Variants in ZNF730 observed in about 807,000 individuals in gnomAD.
ZNF730 encodes the protein zinc finger protein 730.
ZNF730 carries 12 observed loss-of-function variants against 12.6 expected under a neutral mutation model. The observed-to-expected ratio is 0.95, with a 90% CI of 0.61 to 1.54. The LOEUF is 1.54. Ranked by LOEUF, ZNF730 falls within the 40% of genes most tolerant of loss-of-function variation. The probability of loss-of-function intolerance (pLI) is 0.00; values close to 1 mark genes in which losing one functional copy is unlikely to be tolerated. For missense variants in ZNF730, 643 were observed against 583.5 expected (o/e 1.10, Z -1.05); for synonymous variants, 194 against 195.8 (o/e 0.99, Z 0.08).
rs1276718928 is a variant in ZNF730, at chr19:23,146,036, A to G, written c.992A>G (p.Lys331Arg). The G allele has an allele frequency of 1.9e-6, 3 of 1,610,718 alleles. No individual in the cohort carries two copies. The highest frequency in any genetic ancestry group is 1.3e-5 in the African/African-American group (1 of 74,780). ...TGGTCCTCAACCCTTACAAAACATA[A>G]AAGAATTCATAATGGAGAAAAACCC... ...FKWSSTLTKH[K>R]RIHNGEKPYK... The change falls in exon 4 of 4, where the codon AAA becomes AGA. Residue 331 changes from lysine to arginine, a missense_variant. Transcript: ENST00000597761.
intron 1 of ZNF730, among the ~76,000 whole-genome samples, chr19:23,106,872 A>C (rs1423660791): frequency 2.0e-5 from 3 of 152,012 alleles, no homozygotes; most frequent in Non-Finnish European, 4.4e-5. Flanking sequence ...TGAATACTGC[A>C]AGAGTCAAAA....
At position 23,146,289 on chromosome 19, in the gene ZNF730, G is replaced by A. The variant is rs1971009086; in HGVS notation, c.1245G>A (p.Lys415=). The change falls in exon 4 of 4, where the codon AAG becomes AAA. Residue 415 remains lysine, a synonymous_variant. Transcript: ENST00000597761. ...FSRISHLTTH[K]RIHTGEKPYK... is the part of the protein sequence containing the mutation. ...GTATCTCACACCTTACTACACATAAGAGAATTCATACTGGAGAGAAACCCT... is the reference window on the plus strand; with the variant it reads ...GTATCTCACACCTTACTACACATAAAAGAATTCATACTGGAGAGAAACCCT... The A allele has an allele frequency of 2.5e-6, 4 of 1,613,084 alleles. No individual in the cohort carries two copies. The highest frequency in any genetic ancestry group is 3.4e-6 in the Non-Finnish European group (4 of 1,179,670).
chr19:23,081,401 C>A (rs560050527), intron 1 of ZNF730, among the ~76,000 whole-genome samples: 28 of 151,534 alleles, frequency 1.8e-4, no homozygotes, highest in African/African-American at 6.5e-4. Flanking sequence ...CTTACTGCAA[C>A]CTCCGCCTCC....
At chr19:23,092,456 G>A (rs949365656) in intron 1 of ZNF730, among the ~76,000 whole-genome samples, 1 of 151,916 alleles carries the variant, frequency 6.6e-6, no homozygotes, top group Non-Finnish European at 1.5e-5. Context: ...GGGCATGGTG[G>A]TGCATGCCTA....
At chr19:23,094,729 C>T (rs1480010380) in intron 1 of ZNF730, among the ~76,000 whole-genome samples, 1 of 152,164 alleles carries the variant, frequency 6.6e-6, no homozygotes, top group African/African-American at 2.4e-5. Context: ...CCACCTCGGC[C>T]TCCCAGAGTG....
At chr19:23,083,351 G>A (rs1370176837) in intron 1 of ZNF730, among the ~76,000 whole-genome samples, 1 of 152,168 alleles carries the variant, frequency 6.6e-6, no homozygotes, top group South Asian at 2.1e-4. Context: ...TTGAACCGGG[G>A]AGGGGGAGGT....
At chr19:23,135,177 C>T (rs1262229901) in intron 2 of ZNF730, among the ~76,000 whole-genome samples, 1 of 113,884 alleles carries the variant, frequency 8.8e-6, no homozygotes, top group Non-Finnish European at 1.7e-5. Flanking sequence ...TGTCCTATGA[C>T]CCTGCCAAAT....
rs1484454636 is a variant in ZNF730, at chr19:23,138,154, G to A, written c.226+2111G>A. Among the ~76,000 whole-genome samples the A allele has an allele frequency of 6.5e-5, 4 of 61,738 alleles. 2 individuals carry two copies. Among genetic ancestry groups the A allele is most frequent in the Non-Finnish European group, 1.5e-4 (4 of 26,892 alleles). The allele number at this position is 61,738 out of a possible 152,430, so 40.5% of individuals were successfully genotyped here. ...AAAAATTAGCCGGGCGTGGTGGCGGGCGCCTGTAGTCCCAGCTACTTGGGA... is the reference window on the plus strand; with the variant it reads ...AAAAATTAGCCGGGCGTGGTGGCGGACGCCTGTAGTCCCAGCTACTTGGGA... On this transcript the variant is annotated intron_variant, in intron 3 of 3. Coordinates refer to ENST00000597761, the MANE Select transcript of ZNF730 (RefSeq NM_001277403.2).
chr19:23,145,527 C>T lies in ZNF730; in HGVS notation c.483C>T (p.Asn161=). ...VKVFHKFSNS[N]RHKIRHTSKK... ...TCTTTCATAAATTTTCAAATTCAAA[C>T]AGACATAAGATAAGACATACTTCGA... Residue 161 remains asparagine, a synonymous_variant, in exon 4 of 4, where the codon AAC becomes AAT. Coordinates refer to ENST00000597761, the MANE Select transcript of ZNF730 (RefSeq NM_001277403.2). 1 of 1,558,308 alleles carries T rather than the reference C, an allele frequency of 6.4e-7. No homozygotes were observed. Among genetic ancestry groups the T allele is most frequent in the Non-Finnish European group, 8.7e-7 (1 of 1,152,032 alleles).
intron 1 of ZNF730, among the ~76,000 whole-genome samples, chr19:23,080,755 C>T (rs1969948860): frequency 6.6e-6 from 1 of 151,976 alleles, no homozygotes; most frequent in Non-Finnish European, 1.5e-5. Flanking sequence ...AAGCTTCCCC[C>T]TTCTGTATTG....
At position 23,145,667 on chromosome 19, in the gene ZNF730, A is replaced by G. The variant is rs1970994279; in HGVS notation, c.623A>G (p.Lys208Arg). The change falls in exon 4 of 4, where the codon AAA becomes AGA. Residue 208 changes from lysine (K) to arginine (R), a missense_variant. Physicochemically the swap from Lys to Arg is conservative, Grantham distance 26. Coordinates refer to ENST00000597761, the MANE Select transcript of ZNF730 (RefSeq NM_001277403.2). ...EKSYKCEEYG[K>R]AFNESSNCTT... ...TCCTACAAATGTGAAGAATATGGCA[A>G]AGCCTTTAATGAGTCCTCAAACTGT... The G allele has an allele frequency of 6.4e-7, 1 of 1,556,562 alleles. No individual in the cohort carries two copies. The highest frequency in any genetic ancestry group is 8.7e-7 in the Non-Finnish European group (1 of 1,151,764).
chr19:23,143,827 A>C (rs1470708538), intron 3 of ZNF730: 1 of 152,180 alleles, frequency 6.6e-6, no homozygotes, highest in Non-Finnish European at 1.5e-5. Flanking sequence ...TTTGTATATG[A>C]CACATCACTT....
chr19:23,079,151 C>G (rs1224533039), intron 1 of ZNF730, among the ~76,000 whole-genome samples: 1 of 151,892 alleles, frequency 6.6e-6, no homozygotes, highest in Non-Finnish European at 1.5e-5. Context: ...TTGTTTATGA[C>G]ACAATTTTTT....
In ZNF730 at chr19:23,146,551, A is replaced by G; in HGVS notation, c.1507A>G (p.Thr503Ala). 1 of 1,582,308 alleles carries G rather than the reference A, an allele frequency of 6.3e-7. No homozygotes were observed. The highest frequency in any genetic ancestry group is 1.1e-5 in the South Asian group (1 of 87,406). The change falls in exon 4 of 4, where the codon ACA becomes GCA. Residue 503 changes from threonine to alanine, a missense_variant. By Grantham distance (58) the Thr-to-Ala change is moderately conservative. Transcript: ENST00000597761. ...CCTTACTAGGCATAAGACAATTCAT[A>G]CATAAAATTGTAAAGACTGTGGCAA... Reference protein sequence around the residue: ...SHLTRHKTIHT With the variant: ...SHLTRHKTIHA
chr19:23,105,167 G>C (rs987955829), intron 1 of ZNF730, among the ~76,000 whole-genome samples: 23 of 150,578 alleles, frequency 1.5e-4, no homozygotes, highest in Non-Finnish European at 4.4e-5. Flanking sequence ...ACCCAGGCTG[G>C]AGTGCAGTGG....
intron 2 of ZNF730, among the ~76,000 whole-genome samples, chr19:23,134,474 G>A (rs911278861): frequency 6.8e-6 from 1 of 146,066 alleles, no homozygotes; most frequent in Non-Finnish European, 1.5e-5. Flanking sequence ...GGAGGGAGGT[G>A]GGGGGGCCAG....
intron 1 of ZNF730, among the ~76,000 whole-genome samples, chr19:23,082,368 A>G (rs557781105): frequency 1.3e-5 from 2 of 148,812 alleles, no homozygotes; most frequent in South Asian, 4.2e-4. Context: ...TTTTTTTGAG[A>G]TGGAGTCTTG....
chr19:23,101,473 G>C (rs1012101943), intron 1 of ZNF730, among the ~76,000 whole-genome samples: 1 of 152,192 alleles, frequency 6.6e-6, no homozygotes, highest in African/African-American at 2.4e-5. Context: ...CTCATACCTA[G>C]CACCTGGACA....
At position 23,146,257 on chromosome 19, in the gene ZNF730, T is replaced by C. The variant is rs1301793231; in HGVS notation, c.1213T>C (p.Phe405Leu). ...FYKCEECGKA[F>L]SRISHLTTHK... The stretch of plus-strand genomic sequence containing the variant: ...CAAATGTGAAGAATGTGGCAAAGCC[T>C]TTAGCCGTATCTCACACCTTACTAC... The change falls in exon 4 of 4, where the codon TTT becomes CTT. Residue 405 changes from phenylalanine to leucine, a missense_variant. Physicochemically the swap from Phe to Leu is conservative, Grantham distance 22. Coordinates refer to ENST00000597761, the MANE Select transcript of ZNF730 (RefSeq NM_001277403.2). 2 of 1,613,602 alleles carry C rather than the reference T, an allele frequency of 1.2e-6. No individual in the cohort carries two copies. The highest frequency in any genetic ancestry group is 3.3e-5 in the Admixed American group (2 of 59,974).
Sources: gnomAD v4.1 joint callset for allele counts (sites outside exome capture counted in the v4.1 genomes callset) on GRCh38, gnomAD v4.1.1 for gene constraint, MANE v1.5 for transcripts, NCBI Gene and HGNC (gene_info 2026-07-23, HGNC 2026-07-21) for gene names.